SORCS2: variants seen among roughly 807,000 people sequenced by gnomAD.
The protein encoded by SORCS2 is sortilin related VPS10 domain containing receptor 2, also known as VPS10 domain-containing receptor SorCS2.
SORCS2 carries 100 observed loss-of-function variants against 141.6 expected under a neutral mutation model. The observed-to-expected ratio is 0.71, with a 90% CI of 0.60 to 0.83. The LOEUF is 0.83. SORCS2 is among the 40% of genes least tolerant of loss of function. SORCS2 has a pLI of 0.00. For missense variants in SORCS2, 1,646 were observed against 1,560.2 expected, an observed-to-expected ratio of 1.05 and a Z score of -0.93; for synonymous variants, 789 against 676.9, an observed-to-expected ratio of 1.17 and a Z score of -2.57.
At chr4:7,600,652 TATATACAC>T (rs780168553) in intron 3 of SORCS2, among the ~76,000 whole-genome samples, 1,323 of 96,340 alleles carry the variant, frequency 0.014, 14 homozygotes, top group African/African-American at 0.048. Context: ...TATACATATA[TATATACAC>T]ACACACACAC....
chr4:7,278,320 A>G (rs1456930177), intron 1 of SORCS2, among the ~76,000 whole-genome samples: 1 of 152,186 alleles, frequency 6.6e-6, no homozygotes, highest in Non-Finnish European at 1.5e-5. Context: ...GGTTGGGACG[A>G]GTTCACTGAG....
chr4:7,649,719 C>T (rs557448867), intron 4 of SORCS2, among the ~76,000 whole-genome samples: 1 of 152,088 alleles, frequency 6.6e-6, no homozygotes, highest in Non-Finnish European at 1.5e-5. Context: ...AGGGGGCACA[C>T]CTGCCTGTGC....
intron 3 of SORCS2, among the ~76,000 whole-genome samples, chr4:7,629,354 C>T (rs766474533): frequency 2.6e-5 from 4 of 152,134 alleles, no homozygotes; most frequent in Admixed American, 1.3e-4. Flanking sequence ...GAGCCTGAGG[C>T]TGGGGTGGCC....
chr4:7,209,246 C>G (rs116790668), intron 1 of SORCS2, among the ~76,000 whole-genome samples: 1 of 152,186 alleles, frequency 6.6e-6, no homozygotes, highest in Admixed American at 6.5e-5. Flanking sequence ...CTTCAGCGCC[C>G]GAGAGCACGC....
At chr4:7,622,286 G>A (rs1293515907) in intron 3 of SORCS2, among the ~76,000 whole-genome samples, 2 of 152,142 alleles carry the variant, frequency 1.3e-5, no homozygotes, top group Non-Finnish European at 2.9e-5. Context: ...AGTGACTCGC[G>A]GTCTCGCCAC....
At chr4:7,378,235 G>T (rs1363093491) in intron 1 of SORCS2, among the ~76,000 whole-genome samples, 2 of 152,164 alleles carry the variant, frequency 1.3e-5, no homozygotes, top group South Asian at 2.1e-4. Flanking sequence ...TGTTGAAATT[G>T]ACTCCATTGC....
At chr4:7,456,855 C>T (rs1174713174) in intron 2 of SORCS2, among the ~76,000 whole-genome samples, 1 of 151,952 alleles carries the variant, frequency 6.6e-6, no homozygotes, top group Non-Finnish European at 1.5e-5. Flanking sequence ...GAATTCCACC[C>T]CACCCCACCC....
intron 3 of SORCS2, among the ~76,000 whole-genome samples, chr4:7,589,180 A>T (rs1386216912): frequency 3.9e-5 from 6 of 152,192 alleles, no homozygotes. Flanking sequence ...AAGCCTGCAA[A>T]GTCTATCTGG....
intron 1 of SORCS2, among the ~76,000 whole-genome samples, chr4:7,200,409 C>T (rs1170667013): frequency 6.6e-6 from 1 of 152,198 alleles, no homozygotes; most frequent in Non-Finnish European, 1.5e-5. Context: ...TCACTCCTCC[C>T]TTCCCATCAT....
chr4:7,258,382 T>A (rs1412172178), intron 1 of SORCS2, among the ~76,000 whole-genome samples: 1 of 152,040 alleles, frequency 6.6e-6, no homozygotes, highest in Non-Finnish European at 1.5e-5. Flanking sequence ...CATTTATGAG[T>A]GAGAACATGC....
chr4:7,192,844 G>T lies in SORCS2; in HGVS notation c.198G>T (p.Arg66=). 2 of 1,045,658 alleles carry T rather than the reference G, an allele frequency of 1.9e-6. No individual in the cohort carries two copies. The highest frequency in any genetic ancestry group is 1.7e-5 in the African/African-American group (1 of 58,246). 64.8% of individuals were successfully genotyped at this position (1,045,658 alleles called of 1,614,324 possible). ...TGGGTCCTCACGCCCAACTGACCCG[G>T]GTGCCGCGGAGCCCTCCCGCGGGGC... ...GRLGPHAQLT[R]VPRSPPAGRA... The change falls in exon 1 of 27, where the codon CGG becomes CGT. Residue 66 remains arginine (R), a synonymous_variant. Transcript: ENST00000507866. This position sits in a 1 kb window ranked among gnomAD's most constrained non-coding sequence, Gnocchi z 4.0.
intron 2 of SORCS2, among the ~76,000 whole-genome samples, chr4:7,399,550 G>T (rs1279682303): frequency 6.6e-6 from 1 of 152,164 alleles, no homozygotes; most frequent in African/African-American, 2.4e-5. Context: ...TTCTTGTGGT[G>T]GTGATGGGGG....
chr4:7,687,917 G>T (rs187759010), intron 10 of SORCS2, among the ~76,000 whole-genome samples: 27 of 152,120 alleles, frequency 1.8e-4, no homozygotes, highest in Non-Finnish European at 3.4e-4. Context: ...CCAACTGTCC[G>T]TTCCTGGCTC....
At chr4:7,675,589 G>A (rs1723055572) in intron 8 of SORCS2, among the ~76,000 whole-genome samples, 1 of 152,212 alleles carries the variant, frequency 6.6e-6, no homozygotes, top group Admixed American at 6.5e-5. Context: ...CATGGAGTTG[G>A]TACTTCCCAA....
chr4:7,712,161 C>T (rs912640872), intron 14 of SORCS2, among the ~76,000 whole-genome samples: 2 of 152,238 alleles, frequency 1.3e-5, no homozygotes, highest in African/African-American at 4.8e-5. Flanking sequence ...CAACCTTGCT[C>T]ATCCTGTGGG....
chr4:7,659,999 C>T (rs1722045537), intron 5 of SORCS2, among the ~76,000 whole-genome samples: 1 of 152,202 alleles, frequency 6.6e-6, no homozygotes, highest in South Asian at 2.1e-4. Flanking sequence ...GCCTTGGTTT[C>T]CTCGTCTGTA....
At chr4:7,355,556 C>T (rs567497763) in intron 1 of SORCS2, among the ~76,000 whole-genome samples, 9 of 152,212 alleles carry the variant, frequency 5.9e-5, no homozygotes. Context: ...GCTCTGCCGT[C>T]CCCAGGGGCC....
At position 7,624,182 on chromosome 4, in the gene SORCS2, G is replaced by A. The variant is rs561667423; in HGVS notation, c.649-14146G>A. On this transcript the variant is annotated intron_variant, in intron 3 of 26. Transcript: ENST00000507866. Reference sequence around the variant, plus strand: ...GAAGTTCTTCATTCATGCCCACCGTGATTCAAGCTGCTATCACTGCAGACC... The same window carrying A: ...GAAGTTCTTCATTCATGCCCACCGTAATTCAAGCTGCTATCACTGCAGACC... Among the ~76,000 whole-genome samples, 3 of 140,916 alleles carry A rather than the reference G, an allele frequency of 2.1e-5. No homozygotes were observed. In the South Asian group the frequency reaches 7.8e-4, roughly 37 times the overall value. The allele number at this position is 140,916 out of a possible 152,430, so 92.4% of individuals were successfully genotyped here. A position where few individuals can be genotyped will look rare whatever the true frequency, so the allele number is the denominator to read the frequency against.
intron 3 of SORCS2, among the ~76,000 whole-genome samples, chr4:7,567,196 T>G (rs1270889787): frequency 6.6e-6 from 1 of 152,256 alleles, no homozygotes; most frequent in Non-Finnish European, 1.5e-5. Flanking sequence ...TATTAACATC[T>G]GACATTGGTA....
Sources: gnomAD v4.1 joint callset for allele counts (sites outside exome capture counted in the v4.1 genomes callset) on GRCh38, gnomAD v4.1.1 for gene constraint, Gnocchi (gnomAD v3.1) non-coding constraint, MANE v1.5 for transcripts, NCBI Gene and HGNC (gene_info 2026-07-23, HGNC 2026-07-21) for gene names.